The following ULK4 variants were observed in gnomAD, a reference collection of about 807,000 sequenced individuals.
ULK4 encodes the protein inactive serine/threonine-protein kinase ULK4.
In ULK4, 133 loss-of-function variants were observed where a neutral mutation model predicts 160.6. That is an observed-to-expected ratio of 0.83 (90% CI 0.72 to 0.96). The LOEUF (loss-of-function observed/expected upper bound fraction) is 0.96, where lower values mean the gene tolerates loss of function less well. Among genes scored for constraint, ULK4 ranks in the 40% least tolerant of loss-of-function variants. The probability of loss-of-function intolerance (pLI) is 0.00; values close to 1 mark genes in which losing one functional copy is unlikely to be tolerated. For missense variants in ULK4, 1,580 were observed against 1,499.5 expected (o/e 1.05, Z -0.89); for synonymous variants, 534 against 539.8 (o/e 0.99, Z 0.15).
chr3:41,565,500 T>C (rs1410734079), intron 32 of ULK4, among the ~76,000 whole-genome samples: 3 of 152,062 alleles, frequency 2.0e-5, no homozygotes, highest in Admixed American at 2.0e-4. Flanking sequence ...GATGAGGTCA[T>C]TAGGATGGGA....
chr3:41,669,810 A>G (rs2035474851), intron 29 of ULK4, among the ~76,000 whole-genome samples: 1 of 152,236 alleles, frequency 6.6e-6, no homozygotes, highest in Admixed American at 6.5e-5. Context: ...ATAAATGTAG[A>G]TATAGTCACA....
chr3:41,829,751 A>G (rs1239653066), intron 18 of ULK4, among the ~76,000 whole-genome samples: 1 of 151,326 alleles, frequency 6.6e-6, no homozygotes, highest in Non-Finnish European at 1.5e-5. Flanking sequence ...TTCCTCAGAG[A>G]TCTAGAACTA....
intron 18 of ULK4, among the ~76,000 whole-genome samples, chr3:41,821,122 C>T (rs2041132213): frequency 6.6e-6 from 1 of 152,194 alleles, no homozygotes; most frequent in South Asian, 2.1e-4. Context: ...GAATCCCGTA[C>T]CCATCATTTA....
At chr3:41,951,659 T>C (rs1256866959) in intron 2 of ULK4, among the ~76,000 whole-genome samples, 1 of 151,938 alleles carries the variant, frequency 6.6e-6, no homozygotes, top group African/African-American at 2.4e-5. Context: ...AAGAGAGAAG[T>C]TGGACCTTTA....
intron 20 of ULK4, among the ~76,000 whole-genome samples, chr3:41,792,833 A>G (rs758578013): frequency 1.3e-5 from 2 of 152,256 alleles, no homozygotes; most frequent in Non-Finnish European, 2.9e-5. Flanking sequence ...AAAAGAAATC[A>G]AATCAAATCT....
At chr3:41,861,328 T>C (rs548199256) in intron 17 of ULK4, among the ~76,000 whole-genome samples, 311 of 152,326 alleles carry the variant, frequency 2.0e-3, no homozygotes, top group African/African-American at 7.2e-3. Context: ...GTAGGACAGG[T>C]CTGGTATTAA....
intron 17 of ULK4, among the ~76,000 whole-genome samples, chr3:41,849,998 T>C (rs1490156954): frequency 1.3e-5 from 2 of 152,070 alleles, no homozygotes; most frequent in Non-Finnish European, 2.9e-5. Flanking sequence ...TGTGTGATGT[T>C]CCCCTTCCTG....
chr3:41,924,091 T>C (rs755251905), intron 5 of ULK4, among the ~76,000 whole-genome samples: 1 of 152,184 alleles, frequency 6.6e-6, no homozygotes, highest in Non-Finnish European at 1.5e-5. Context: ...CGATATTATT[T>C]TTATGCAGCC....
intron 2 of ULK4, among the ~76,000 whole-genome samples, chr3:41,945,599 T>C (rs956936664): frequency 2.6e-5 from 4 of 152,204 alleles, no homozygotes; most frequent in African/African-American, 9.7e-5. Flanking sequence ...TGGCCTAATG[T>C]CTATATGCTG....
chr3:41,754,560 C>G (rs2038735080), intron 21 of ULK4, 72 bp from the exon 22 acceptor site: 5 of 1,494,324 alleles, frequency 3.3e-6, no homozygotes, highest in Middle Eastern at 4.7e-4. Context: ...TCAGAGTGAA[C>G]AGACTATAAT....
chr3:41,618,277 A>G (rs570411995), intron 30 of ULK4, among the ~76,000 whole-genome samples: 62 of 152,252 alleles, frequency 4.1e-4, no homozygotes, highest in African/African-American at 1.4e-3. Flanking sequence ...CAGAGAACAC[A>G]ACTAAGATAC....
At chr3:41,958,019 G>A (rs149381941) in intron 1 of ULK4, among the ~76,000 whole-genome samples, 5 of 147,136 alleles carry the variant, frequency 3.4e-5, no homozygotes, top group Non-Finnish European at 7.5e-5. Flanking sequence ...ACTCTAGCCT[G>A]GGCAACGAAG....
At chr3:41,618,232 T>C (rs1315507235) in intron 30 of ULK4, among the ~76,000 whole-genome samples, 1 of 152,112 alleles carries the variant, frequency 6.6e-6, no homozygotes, top group Non-Finnish European at 1.5e-5. Flanking sequence ...TTCCCCACCA[T>C]AGCAAGATAG....
At chr3:41,455,802 G>C (rs994807199) in intron 33 of ULK4, among the ~76,000 whole-genome samples, 7 of 151,430 alleles carry the variant, frequency 4.6e-5, no homozygotes, top group African/African-American at 1.7e-4. Flanking sequence ...ACTGCCACCA[G>C]CTCAGGCTAC....
At chr3:41,655,383 G>A (rs1250568206) in intron 30 of ULK4, among the ~76,000 whole-genome samples, 2 of 127,750 alleles carry the variant, frequency 1.6e-5, no homozygotes, top group Admixed American at 8.1e-5. Flanking sequence ...GTTGTGGGGT[G>A]GGGGGAGGGG....
At chr3:41,866,925 A>T (rs1480063834) in intron 17 of ULK4, among the ~76,000 whole-genome samples, 1 of 152,210 alleles carries the variant, frequency 6.6e-6, no homozygotes, top group Non-Finnish European at 1.5e-5. Flanking sequence ...TTTAACATAC[A>T]TTAGACTCAT....
Position 41,408,227 on chromosome 3 carries a change from G to C in ULK4, c.3493-9963C>G, listed in dbSNP as rs547386695. On this transcript the variant is annotated intron_variant, in intron 34 of 36. Coordinates refer to ENST00000301831, the MANE Select transcript of ULK4 (RefSeq NM_017886.4). Reference sequence around the variant, plus strand: ...GCGGATCACGAGGTCAGGAGATCGAGACCATCCTGGCTAACACGGTGAAAC... The same window carrying C: ...GCGGATCACGAGGTCAGGAGATCGACACCATCCTGGCTAACACGGTGAAAC... Among the ~76,000 whole-genome samples the C allele has an allele frequency of 7.2e-5, 11 of 151,852 alleles. 1 individual carries two copies. In the East Asian group the frequency reaches 1.9e-3, roughly 27 times the overall value.
intron 34 of ULK4, among the ~76,000 whole-genome samples, chr3:41,431,546 C>CTTTTTTTTTTTTTTTTTTTTT (rs2082908369): frequency 3.7e-5 from 2 of 54,080 alleles, no homozygotes; most frequent in African/African-American, 1.2e-4. Flanking sequence ...TAATTCCCTC[C>CTTTTTTTTTTTTTTTTTTTTT]CTTTTTTTTT....
chr3:41,405,147 A>G (rs2082268083), intron 34 of ULK4, among the ~76,000 whole-genome samples: 4 of 152,030 alleles, frequency 2.6e-5, no homozygotes, highest in Non-Finnish European at 5.9e-5. Context: ...CCAATCTAGT[A>G]GTCCCCAGTG....
Sources: gnomAD v4.1 joint callset for allele counts (sites outside exome capture counted in the v4.1 genomes callset) on GRCh38, gnomAD v4.1.1 for gene constraint, MANE v1.5 for transcripts, NCBI Gene and HGNC (gene_info 2026-07-23, HGNC 2026-07-21) for gene names.